Variants in RPS6KA5 observed in about 807,000 individuals in gnomAD.
RPS6KA5 encodes ribosomal protein S6 kinase A5, also known as ribosomal protein S6 kinase alpha-5.
Under a neutral mutation model 85.5 loss-of-function variants are expected in RPS6KA5, and 27 were observed. That is an observed-to-expected ratio of 0.32 (90% CI 0.23 to 0.44). RPS6KA5 has a LOEUF of 0.44. Among genes scored for constraint, RPS6KA5 ranks in the 20% least tolerant of loss-of-function variants. RPS6KA5 has a pLI of 1.00. For synonymous variants in RPS6KA5, 334 were observed against 348.2 expected (o/e 0.96, Z 0.46); for missense variants, 811 against 980.9 (o/e 0.83, Z 2.31).
intron 1 of RPS6KA5, among the ~76,000 whole-genome samples, chr14:91,035,868 AAAAAAAAAAAAAAC>A (rs1566891861): frequency 5.0e-5 from 6 of 120,598 alleles, no homozygotes; most frequent in South Asian, 2.6e-4. Flanking sequence ...AAAAAAAAAA[AAAAAAAAAAAAAAC>A]CCCAAAGCTG....
At chr14:91,060,286 C>G (rs930564053) in intron 1 of RPS6KA5, 46 bp downstream of exon 1, 9 of 1,149,194 alleles carry the variant, frequency 7.8e-6, no homozygotes, top group African/African-American at 4.9e-5. Flanking sequence ...TGCCCTCAGG[C>G]GCGCCCCCGC....
At chr14:90,944,093 A>G (rs2037739959) in intron 4 of RPS6KA5, among the ~76,000 whole-genome samples, 1 of 152,240 alleles carries the variant, frequency 6.6e-6, no homozygotes, top group African/African-American at 2.4e-5. Context: ...CTTTGCATTT[A>G]TAAAACTTAC....
intron 1 of RPS6KA5, among the ~76,000 whole-genome samples, chr14:91,042,343 A>G (rs1048264409): frequency 7.9e-5 from 12 of 151,924 alleles, no homozygotes; most frequent in Non-Finnish European, 1.3e-4. Context: ...CCTCTTTTCT[A>G]CTAAAAATAC....
Position 90,855,172 on chromosome 14 carries a change from T to C in RPS6KA5, c.*16902A>G, listed in dbSNP as rs2032208811. 6.6e-6 allele frequency: 1 copy of C among 152,188 alleles called. No homozygotes were observed. The allele number at this position is 152,188 out of a possible 1,614,324, so 9.4% of individuals were successfully genotyped here. ...AGGATAAAGATATTTCAAATGTATA[T>C]GATGGGGCTAAGGGAGACATAGCTT... is the stretch of plus-strand genomic sequence containing the variant. On this transcript the variant is annotated 3_prime_UTR_variant, in exon 17 of 17. Coordinates refer to ENST00000614987, the MANE Select transcript of RPS6KA5 (RefSeq NM_004755.4).
chr14:90,920,312 A>G lies in RPS6KA5; in HGVS notation c.703-3T>C. 6.5e-7 allele frequency: 1 copy of G among 1,538,286 alleles called. No individual in the cohort carries two copies. Among genetic ancestry groups the G allele is most frequent in the South Asian group, 1.2e-5 (1 of 86,202 alleles). On this transcript the variant is annotated splice_polypyrimidine_tract_variant and splice_region_variant and intron_variant, in intron 6 of 16. Coordinates refer to ENST00000614987, the MANE Select transcript of RPS6KA5 (RefSeq NM_004755.4). ...CCCAAACTCCACCAGTCAACTGCCT[A>G]TAAAACAACAATAATTTCATTTTAT... is the stretch of plus-strand genomic sequence containing the variant.
At chr14:90,918,036 C>T (rs1316963931) in intron 7 of RPS6KA5, among the ~76,000 whole-genome samples, 1 of 152,112 alleles carries the variant, frequency 6.6e-6, no homozygotes, top group Non-Finnish European at 1.5e-5. Context: ...GTTTTCATTT[C>T]CCTTGGTAAT....
intron 2 of RPS6KA5, among the ~76,000 whole-genome samples, chr14:90,982,852 G>A (rs927613369): frequency 6.6e-6 from 1 of 152,104 alleles, no homozygotes; most frequent in Non-Finnish European, 1.5e-5. Flanking sequence ...GGTGGTTCAC[G>A]CCTGTAATCC....
chr14:90,923,675 G>C (rs1318368819), intron 5 of RPS6KA5, among the ~76,000 whole-genome samples: 1 of 151,940 alleles, frequency 6.6e-6, no homozygotes, highest in Non-Finnish European at 1.5e-5. Context: ...AATTCTAAGA[G>C]GGGGAATAAT....
chr14:90,887,504 C>A (rs755179878), intron 14 of RPS6KA5, among the ~76,000 whole-genome samples: 1 of 151,986 alleles, frequency 6.6e-6, no homozygotes. Flanking sequence ...ACCTTTAAAA[C>A]CACAACCACA....
intron 2 of RPS6KA5, among the ~76,000 whole-genome samples, chr14:90,983,787 TTCTCTCTCTC>T (rs770148887): frequency 2.4e-4 from 31 of 129,334 alleles, no homozygotes; most frequent in African/African-American, 6.9e-4. Flanking sequence ...CTTTCTTTCT[TTCTCTCTCTC>T]TCTCTCTCTC....
intron 2 of RPS6KA5, among the ~76,000 whole-genome samples, chr14:90,993,586 T>C (rs1032369518): frequency 1.3e-4 from 20 of 152,232 alleles, no homozygotes; most frequent in Admixed American, 6.5e-5. Flanking sequence ...TTTGAAGATA[T>C]TATTCCACTT....
intron 15 of RPS6KA5, among the ~76,000 whole-genome samples, chr14:90,874,587 T>C (rs987097328): frequency 2.3e-4 from 35 of 152,094 alleles, no homozygotes; most frequent in African/African-American, 7.2e-4. Flanking sequence ...CTCCAAAGGA[T>C]TTTTGGCAGA....
chr14:91,000,907 A>T (rs1428896707), intron 2 of RPS6KA5, among the ~76,000 whole-genome samples, 181 bp downstream of exon 2: 1 of 152,184 alleles, frequency 6.6e-6, no homozygotes, highest in African/African-American at 2.4e-5. Flanking sequence ...ATCCTTGCCA[A>T]TTCTTTTTAT....
rs2140123470 is a variant in RPS6KA5 at position 90,867,768 on chromosome 14, C to T, written c.*4306G>A. On this transcript the variant is annotated 3_prime_UTR_variant, in exon 17 of 17. Coordinates refer to ENST00000614987, the MANE Select transcript of RPS6KA5 (RefSeq NM_004755.4). ...TAGGGTGAAGAAACCAAGACACAAA[C>T]ATTTGGAAGCCACTTTAGTTTCTTA... 1 of 152,278 alleles carries T rather than the reference C, an allele frequency of 6.6e-6. No individual in the cohort carries two copies. Among genetic ancestry groups the T allele is most frequent in the South Asian group, 2.1e-4 (1 of 4,830 alleles). 9.4% of individuals were successfully genotyped at this position (152,278 alleles called of 1,614,324 possible). A position where few individuals can be genotyped will look rare whatever the true frequency, so the allele number is the denominator to read the frequency against.
At chr14:90,941,324 T>C (rs2037560469) in intron 5 of RPS6KA5, among the ~76,000 whole-genome samples, 1 of 152,198 alleles carries the variant, frequency 6.6e-6, no homozygotes, top group African/African-American at 2.4e-5. Flanking sequence ...GCCAGTTCAG[T>C]GGCAAAATTA....
At chr14:90,969,624 C>T (rs1404522659) in intron 3 of RPS6KA5, among the ~76,000 whole-genome samples, 1 of 152,188 alleles carries the variant, frequency 6.6e-6, no homozygotes, top group Non-Finnish European at 1.5e-5. Context: ...TAACAGAAAT[C>T]CTACATCTCC....
At chr14:91,000,976 G>A in intron 2 of RPS6KA5, 112 bp downstream of exon 2, 1 of 602,724 alleles carries the variant, frequency 1.7e-6, no homozygotes, top group South Asian at 2.5e-5. Flanking sequence ...TTCTCCTAAT[G>A]GATTCCTCAT....
intron 1 of RPS6KA5, among the ~76,000 whole-genome samples, chr14:91,014,816 T>C (rs1214432586): frequency 6.6e-6 from 1 of 152,200 alleles, no homozygotes; most frequent in Non-Finnish European, 1.5e-5. Context: ...TTTGCTTTAA[T>C]AATGTGATTT....
chr14:90,943,206 A>C, intron 4 of RPS6KA5, 21 bp from the exon 5 acceptor site: 1 of 1,322,286 alleles, frequency 7.6e-7, no homozygotes, highest in Non-Finnish European at 1.1e-6. Context: ...AAAGAAATAT[A>C]AATTTTAAAA....
Sources: gnomAD v4.1 joint callset for allele counts (sites outside exome capture counted in the v4.1 genomes callset) on GRCh38, gnomAD v4.1.1 for gene constraint, MANE v1.5 for transcripts, NCBI Gene and HGNC (gene_info 2026-07-23, HGNC 2026-07-21) for gene names.